The following SLC22A23 variants were observed in gnomAD, a reference collection of about 807,000 sequenced individuals.
SLC22A23 encodes solute carrier family 22 member 23.
A neutral mutation model predicts 61.0 loss-of-function variants in SLC22A23; 26 were observed. That is an observed-to-expected ratio of 0.43 (90% CI 0.31 to 0.59). The LOEUF is 0.59. SLC22A23 is among the 20% of genes least tolerant of loss of function. SLC22A23 has a pLI of 0.11. For missense variants in SLC22A23, 796 were observed against 934.7 expected (o/e 0.85, Z 1.94); for synonymous variants, 430 against 413.9 (o/e 1.04, Z -0.47).
At chr6:3,316,366 C>T (rs1256453624) in intron 4 of SLC22A23, among the ~76,000 whole-genome samples, 3 of 152,186 alleles carry the variant, frequency 2.0e-5, no homozygotes, top group Non-Finnish European at 4.4e-5. Context: ...AAGCGTGCAG[C>T]TGATGTGAAG....
At chr6:3,370,946 A>G (rs1057003259) in intron 3 of SLC22A23, among the ~76,000 whole-genome samples, 4 of 152,194 alleles carry the variant, frequency 2.6e-5, no homozygotes, top group Admixed American at 1.3e-4. Flanking sequence ...TTAATCTCCA[A>G]GAGATACCAC....
intron 8 of SLC22A23, chr6:3,284,192 C>A: frequency 2.2e-6 from 1 of 449,882 alleles, no homozygotes; most frequent in Non-Finnish European, 4.1e-6. Context: ...CCCTGTGCGT[C>A]AAGCATGCTG....
At chr6:3,285,585 G>T (rs1202562657) in intron 7 of SLC22A23, among the ~76,000 whole-genome samples, 12 of 145,206 alleles carry the variant, frequency 8.3e-5, no homozygotes, top group Non-Finnish European at 1.8e-4. Flanking sequence ...GAGGCACCCT[G>T]CCACTTCCGT....
rs374957062 is a variant in SLC22A23 at position 3,384,899 on chromosome 6, G to A, written c.913+25289C>T. Among the ~76,000 whole-genome samples the A allele has an allele frequency of 5.9e-5, 9 of 152,296 alleles. No homozygotes were observed. In the South Asian group the frequency reaches 1.0e-3, roughly 18 times the overall value. The stretch of plus-strand genomic sequence containing the variant: ...TATCCATACGATATAATACGATCCC[G>A]CCTTAAAAAGGAAGGGGATTCTCAT... On this transcript the variant is annotated intron_variant, in intron 3 of 9. Transcript: ENST00000406686.
At chr6:3,439,630 T>C (rs1771458601) in intron 1 of SLC22A23, among the ~76,000 whole-genome samples, 1 of 152,252 alleles carries the variant, frequency 6.6e-6, no homozygotes, top group Admixed American at 6.5e-5. Context: ...TGTCCTCTTT[T>C]ATTCTTGTCA....
At chr6:3,284,093 GGTATGCAA>G (rs1561864275) in intron 8 of SLC22A23, 118 bp from the exon 9 acceptor site, 18 of 1,038,874 alleles carry the variant, frequency 1.7e-5, no homozygotes, top group Non-Finnish European at 2.5e-5. Flanking sequence ...GGCATGGATG[GGTATGCAA>G]TTCCCTCTGG....
At chr6:3,389,413 T>C (rs1299407784) in intron 3 of SLC22A23, among the ~76,000 whole-genome samples, 1 of 152,214 alleles carries the variant, frequency 6.6e-6, no homozygotes, top group African/African-American at 2.4e-5. Flanking sequence ...ATGGGATATG[T>C]TTTCTATCAC....
At chr6:3,400,265 T>C (rs1157433227) in intron 3 of SLC22A23, among the ~76,000 whole-genome samples, 1 of 152,162 alleles carries the variant, frequency 6.6e-6, no homozygotes, top group Non-Finnish European at 1.5e-5. Flanking sequence ...GGAAAAACAA[T>C]TATGAAGCAG....
At chr6:3,358,919 G>A (rs974312479) in intron 3 of SLC22A23, among the ~76,000 whole-genome samples, 8 of 152,050 alleles carry the variant, frequency 5.3e-5, no homozygotes, top group African/African-American at 1.4e-4. Flanking sequence ...GGCTCCCCTC[G>A]GGCACAGCAT....
At chr6:3,352,601 T>C (rs1193407924) in intron 3 of SLC22A23, among the ~76,000 whole-genome samples, 4 of 152,174 alleles carry the variant, frequency 2.6e-5, no homozygotes, top group African/African-American at 9.7e-5. Flanking sequence ...CATTCTTGTT[T>C]TTCCATCTGA....
Position 3,317,017 on chromosome 6 carries a change from A to G in SLC22A23, c.1082+6817T>C, listed in dbSNP as rs752214169. On this transcript the variant is annotated intron_variant, in intron 4 of 9. Coordinates refer to ENST00000406686, the MANE Select transcript of SLC22A23 (RefSeq NM_015482.2). This position sits in a 1 kb window ranked among gnomAD's most constrained non-coding sequence, Gnocchi z 4.4. ...AACGTTTTGGGAGAGTGGCGCTCAC[A>G]TCTCCACTATCTCCAGAAGTCCTTA... Among the ~76,000 whole-genome samples, 1 of 152,098 alleles carries G rather than the reference A, an allele frequency of 6.6e-6. No homozygotes were observed. The highest frequency in any genetic ancestry group is 1.5e-5 in the Non-Finnish European group (1 of 68,028).
intron 9 of SLC22A23, among the ~76,000 whole-genome samples, chr6:3,279,538 C>CAAAAAAAAAAAAAAAAAA (rs1759239472): frequency 2.1e-5 from 1 of 47,468 alleles, no homozygotes; most frequent in Non-Finnish European, 7.3e-5. Context: ...AAAAAAAAAT[C>CAAAAAAAAAAAAAAAAAA]CTTGACATCA....
chr6:3,373,766 C>T (rs1766377503), intron 3 of SLC22A23, among the ~76,000 whole-genome samples: 1 of 152,210 alleles, frequency 6.6e-6, no homozygotes, highest in Admixed American at 6.5e-5. Flanking sequence ...ATTACACACT[C>T]AGGGGACAGT....
chr6:3,350,979 T>G (rs934686419), intron 3 of SLC22A23, among the ~76,000 whole-genome samples: 1 of 62,352 alleles, frequency 1.6e-5, no homozygotes, highest in African/African-American at 7.1e-5. Flanking sequence ...AAAGATTTTT[T>G]TCTTAAAAAA....
chr6:3,415,758 G>GC lies in SLC22A23; in HGVS notation c.751dup (p.Ala251GlyfsTer2). ...CGGGCATGTTGGTACTCACCAGTCAGCAATGCATCCAGTTATTAGGTAGCC... is the reference window on the plus strand; with the variant it reads ...CGGGCATGTTGGTACTCACCAGTCAGCCAATGCATCCAGTTATTAGGTAGCC... On this transcript the variant is annotated frameshift_variant, in exon 2 of 10. Transcript: ENST00000406686. LOFTEE classifies it high-confidence loss of function. The GC allele has an allele frequency of 6.4e-7, 1 of 1,550,738 alleles. No homozygotes were observed. The highest frequency in any genetic ancestry group is 8.7e-7 in the Non-Finnish European group (1 of 1,146,058).
chr6:3,416,699 G>C (rs1008492967), intron 1 of SLC22A23, among the ~76,000 whole-genome samples: 1 of 152,210 alleles, frequency 6.6e-6, no homozygotes, highest in African/African-American at 2.4e-5. Flanking sequence ...GTCCCTGCTG[G>C]CCAGGCCATG....
intron 3 of SLC22A23, among the ~76,000 whole-genome samples, chr6:3,403,716 C>A (rs1302591491): frequency 6.6e-6 from 1 of 152,180 alleles, no homozygotes; most frequent in East Asian, 1.9e-4. Context: ...AAATCTTCAA[C>A]ACTGAAGGAG....
chr6:3,379,898 A>G (rs1766844897), intron 3 of SLC22A23, among the ~76,000 whole-genome samples: 2 of 152,176 alleles, frequency 1.3e-5, no homozygotes, highest in African/African-American at 4.8e-5. Flanking sequence ...ACATTTCCCC[A>G]GTATCAGGGA....
At chr6:3,370,902 C>T (rs1302617931) in intron 3 of SLC22A23, among the ~76,000 whole-genome samples, 3 of 152,330 alleles carry the variant, frequency 2.0e-5, no homozygotes, top group East Asian at 1.9e-4. Context: ...CTCCCAGCAA[C>T]GTGGCCTTGT....
Sources: gnomAD v4.1 joint callset for allele counts (sites outside exome capture counted in the v4.1 genomes callset) on GRCh38, gnomAD v4.1.1 for gene constraint, Gnocchi (gnomAD v3.1) non-coding constraint, MANE v1.5 for transcripts, NCBI Gene and HGNC (gene_info 2026-07-23, HGNC 2026-07-21) for gene names.